LMF1: variants seen among roughly 807,000 people sequenced by gnomAD.
The protein encoded by LMF1 is lipase maturation factor 1, also known as transmembrane protein 112.
LMF1 carries 68 observed loss-of-function variants against 60.6 expected under a neutral mutation model. That is an observed-to-expected ratio of 1.12 (90% CI 0.92 to 1.37). The LOEUF (loss-of-function observed/expected upper bound fraction) is 1.37. Ranked by LOEUF, LMF1 falls within the 40% of genes most tolerant of loss-of-function variation. LMF1 has a pLI of 0.00. For missense variants in LMF1, 948 were observed against 767.2 expected (o/e 1.24, Z -2.78); for synonymous variants, 418 against 324.7 (o/e 1.29, Z -3.09).
At chr16:872,849 G>T (rs901314687) in intron 6 of LMF1, 2 of 152,304 alleles carry the variant, frequency 1.3e-5, no homozygotes, top group East Asian at 3.9e-4. Flanking sequence ...GCCTGAGCCA[G>T]TGCCCGTTCG....
At chr16:969,322 AT>A (rs1280197672) in intron 1 of LMF1, among the ~76,000 whole-genome samples, 3 of 152,310 alleles carry the variant, frequency 2.0e-5, no homozygotes, top group Middle Eastern at 3.4e-3. Flanking sequence ...CTCGAAAAAA[AT>A]AAATAAATAA....
chr16:939,612 C>T (rs941641916), intron 2 of LMF1, among the ~76,000 whole-genome samples: 4 of 152,230 alleles, frequency 2.6e-5, no homozygotes, highest in African/African-American at 9.6e-5. Context: ...GTGTCTGCGG[C>T]GACCCGGCCC....
intron 3 of LMF1, among the ~76,000 whole-genome samples, chr16:928,686 G>A (rs541210315): frequency 1.0e-4 from 15 of 144,900 alleles, no homozygotes; most frequent in African/African-American, 3.6e-4. Context: ...CCATCCCCAC[G>A]CCCCCACGAG....
chr16:940,631 C>T (rs112029446), intron 2 of LMF1, among the ~76,000 whole-genome samples: 9,930 of 152,336 alleles, frequency 0.065, 383 homozygotes, highest in Non-Finnish European at 0.089. Flanking sequence ...AAAGTAAATG[C>T]TATAAGGATT....
chr16:908,870 C>T (rs946063805), intron 4 of LMF1, among the ~76,000 whole-genome samples: 38 of 152,244 alleles, frequency 2.5e-4, no homozygotes, highest in Non-Finnish European at 3.8e-4. Context: ...CCACCACCCC[C>T]GTGCGGCTGG....
chr16:888,470 C>T (rs1251170854), intron 5 of LMF1, among the ~76,000 whole-genome samples: 1 of 152,312 alleles, frequency 6.6e-6, no homozygotes, highest in Admixed American at 6.5e-5. Context: ...CTCCATCCTT[C>T]TTGATGACAG....
intron 5 of LMF1, chr16:886,924 A>G (rs1596907544): frequency 7.5e-6 from 1 of 134,050 alleles, no homozygotes; most frequent in South Asian, 2.4e-4. Context: ...CCCAGCCCCC[A>G]GCACACAGAG....
chr16:977,172 G>A (rs2073172650), intron 1 of LMF1: 3 of 446,026 alleles, frequency 6.7e-6, no homozygotes, highest in African/African-American at 4.0e-5. Context: ...CACAGACAAG[G>A]CCAGTTCTCA....
At chr16:969,061 T>C (rs2072985196) in intron 1 of LMF1, 1 of 152,242 alleles carries the variant, frequency 6.6e-6, no homozygotes, top group Admixed American at 6.5e-5. Flanking sequence ...GCATAGTGGC[T>C]CACGCTTGTA....
At chr16:940,422 AC>A (rs1490093712) in intron 2 of LMF1, among the ~76,000 whole-genome samples, 1 of 152,062 alleles carries the variant, frequency 6.6e-6, no homozygotes, top group Non-Finnish European at 1.5e-5. Flanking sequence ...ATCATGGAGG[AC>A]AAGGCAGGTG....
intron 4 of LMF1, among the ~76,000 whole-genome samples, chr16:909,817 G>A (rs564672024): frequency 1.3e-5 from 2 of 152,322 alleles, no homozygotes; most frequent in East Asian, 3.9e-4. Flanking sequence ...GCCACGCCTC[G>A]AGGCCAGGGA....
chr16:893,488 C>T (rs1446197094), intron 4 of LMF1: 3 of 440,398 alleles, frequency 6.8e-6, no homozygotes, highest in Non-Finnish European at 1.4e-5. Flanking sequence ...AGGGAGCACC[C>T]AGTGCACACG....
Position 962,930 on chromosome 16 carries a change from C to A in LMF1, c.193+7858G>T, listed in dbSNP as rs1408004036. ...CTCCAAGGCAGTGGGAGCAGGGCCA[C>A]AGGCAGAGCACCGCAGGGCCCTGGG... On this transcript the variant is annotated intron_variant, in intron 1 of 10. Coordinates refer to ENST00000262301, the MANE Select transcript of LMF1 (RefSeq NM_022773.4). This position sits in a 1 kb window ranked among gnomAD's most constrained non-coding sequence, Gnocchi z 4.5. Among the ~76,000 whole-genome samples, 1 of 152,180 alleles carries A rather than the reference C, an allele frequency of 6.6e-6. No homozygotes were observed. Among genetic ancestry groups the A allele is most frequent in the Admixed American group, 6.5e-5 (1 of 15,276 alleles).
chr16:976,163 G>C (rs1229143465), intron 1 of LMF1: 4 of 453,248 alleles, frequency 8.8e-6, no homozygotes, highest in South Asian at 3.1e-5. Flanking sequence ...CCTTCTCAGA[G>C]GACCTCAGCC....
chr16:963,447 G>T (rs750675701), intron 1 of LMF1, among the ~76,000 whole-genome samples: 1 of 152,066 alleles, frequency 6.6e-6, no homozygotes, highest in Admixed American at 6.5e-5. Flanking sequence ...CCTGTGCATG[G>T]ATGCCCTGTG....
At chr16:933,898 C>T in intron 3 of LMF1, 2 of 1,231,258 alleles carry the variant, frequency 1.6e-6, no homozygotes, top group Non-Finnish European at 2.1e-6. Flanking sequence ...CGTGAACCTT[C>T]TCTATGCCGA....
At chr16:932,027 C>T (rs966696015) in intron 3 of LMF1, among the ~76,000 whole-genome samples, 37 of 152,222 alleles carry the variant, frequency 2.4e-4, no homozygotes, top group Non-Finnish European at 4.3e-4. Flanking sequence ...GCCACACAGG[C>T]TCACGTCCCA....
At chr16:943,678 G>T (rs2072165535) in intron 2 of LMF1, among the ~76,000 whole-genome samples, 1 of 126,076 alleles carries the variant, frequency 7.9e-6, no homozygotes, top group African/African-American at 3.1e-5. Context: ...AGTGAGCCAA[G>T]ATCTCACCAC....
At chr16:915,935 C>A (rs921387791) in intron 3 of LMF1, among the ~76,000 whole-genome samples, 1 of 152,096 alleles carries the variant, frequency 6.6e-6, no homozygotes, top group African/African-American at 2.4e-5. Flanking sequence ...CAGGTGACAC[C>A]CAGGCGCTGC....
Sources: gnomAD v4.1 joint callset for allele counts (sites outside exome capture counted in the v4.1 genomes callset) on GRCh38, gnomAD v4.1.1 for gene constraint, Gnocchi (gnomAD v3.1) non-coding constraint, MANE v1.5 for transcripts, NCBI Gene and HGNC (gene_info 2026-07-23, HGNC 2026-07-21) for gene names.